Variants in CDKL4 observed in about 807,000 individuals in gnomAD.
CDKL4 encodes cyclin-dependent kinase-like 4.
CDKL4 carries 44 observed loss-of-function variants against 42.0 expected under a neutral mutation model. That is an observed-to-expected ratio of 1.05 (90% CI 0.82 to 1.35). CDKL4 has a LOEUF of 1.35. Ranked by LOEUF, CDKL4 falls within the 40% of genes most tolerant of loss-of-function variation. The pLI is 0.00. For synonymous variants in CDKL4, 120 were observed against 121.6 expected (o/e 0.99, Z 0.09); for missense variants, 393 against 369.9 (o/e 1.06, Z -0.51).
chr2:39,204,871 T>G (rs1303185175), intron 4 of CDKL4, among the ~76,000 whole-genome samples: 1 of 152,138 alleles, frequency 6.6e-6, no homozygotes, highest in African/African-American at 2.4e-5. Flanking sequence ...AACTGTCTTT[T>G]TTTTTTTTTA....
intron 4 of CDKL4, among the ~76,000 whole-genome samples, chr2:39,212,148 G>T (rs1202245670): frequency 6.6e-6 from 1 of 152,166 alleles, no homozygotes; most frequent in Admixed American, 6.5e-5. Context: ...TGGGGGTGGG[G>T]CCCAGGAAGC....
chr2:39,191,830 A>G (rs1017195237), intron 5 of CDKL4, among the ~76,000 whole-genome samples: 17 of 152,216 alleles, frequency 1.1e-4, no homozygotes, highest in African/African-American at 4.1e-4. Context: ...AGGACCCTGA[A>G]CGATCAGGAG....
intron 1 of CDKL4, among the ~76,000 whole-genome samples, chr2:39,236,815 T>C (rs992270264): frequency 3.9e-5 from 6 of 152,050 alleles, no homozygotes; most frequent in African/African-American, 1.2e-4. Context: ...CCTAGAAAGA[T>C]ACAAAATACC....
At chr2:39,234,517 A>C (rs990598724) in intron 1 of CDKL4, among the ~76,000 whole-genome samples, 1 of 152,236 alleles carries the variant, frequency 6.6e-6, no homozygotes, top group African/African-American at 2.4e-5. Context: ...TCCCTGAAGA[A>C]GACAAAACAA....
exon 9 of CDKL4, chr2:39,179,194 C>T (rs373197083): frequency 2.1e-5 from 33 of 1,601,654 alleles, no homozygotes; most frequent in Non-Finnish European, 2.5e-5. Context: ...TACCTGTTGG[C>T]GTCTTCTGTT....
chr2:39,236,796 G>C (rs907940917), intron 1 of CDKL4, among the ~76,000 whole-genome samples: 6 of 152,078 alleles, frequency 3.9e-5, no homozygotes, highest in African/African-American at 1.4e-4. Flanking sequence ...CAAGTTGGTT[G>C]GACAAGTGCC....
intron 9 of CDKL4, among the ~76,000 whole-genome samples, chr2:39,177,563 C>T (rs1430070783): frequency 6.6e-6 from 1 of 152,022 alleles, no homozygotes; most frequent in African/African-American, 2.4e-5. Context: ...CACCACTACA[C>T]CTGGCTAATT....
chr2:39,241,263 G>GTT (rs1679646158), intron 1 of CDKL4, among the ~76,000 whole-genome samples: 1 of 152,090 alleles, frequency 6.6e-6, no homozygotes, highest in Non-Finnish European at 1.5e-5. Flanking sequence ...ATATGCATGT[G>GTT]TTATATACAC....
At chr2:39,178,500 A>T (rs1218474904) in intron 9 of CDKL4, 1 of 1,485,790 alleles carries the variant, frequency 6.7e-7, no homozygotes, top group Non-Finnish European at 9.2e-7. Context: ...CCGGGTTTAC[A>T]AGGTGAGAAA....
intron 5 of CDKL4, among the ~76,000 whole-genome samples, chr2:39,199,154 G>A (rs915255123): frequency 2.0e-5 from 3 of 152,026 alleles, no homozygotes; most frequent in Non-Finnish European, 2.9e-5. Context: ...TGAAACAGGA[G>A]ATATTATAAC....
downstream of CDKL4, among the ~76,000 whole-genome samples, chr2:39,170,965 G>C (rs1225066686): frequency 6.6e-6 from 1 of 151,928 alleles, no homozygotes; most frequent in Non-Finnish European, 1.5e-5. Flanking sequence ...ACATCTTCAG[G>C]TCAGGCTCAT....
chr2:39,234,880 A>G (rs1573031016), intron 1 of CDKL4, among the ~76,000 whole-genome samples: 1 of 151,178 alleles, frequency 6.6e-6, no homozygotes, highest in South Asian at 2.1e-4. Flanking sequence ...ATAGATAAAC[A>G]TTTAAAAAAA....
chr2:39,207,827 C>T (rs1237356173), intron 4 of CDKL4, among the ~76,000 whole-genome samples: 5 of 152,162 alleles, frequency 3.3e-5, no homozygotes, highest in South Asian at 2.1e-4. Flanking sequence ...CCTGGCTGGG[C>T]GTGGTGGCTC....
At chr2:39,190,664 G>C (rs554878890) in intron 5 of CDKL4, among the ~76,000 whole-genome samples, 162 bp from the exon 6 acceptor site, 61 of 152,306 alleles carry the variant, frequency 4.0e-4, no homozygotes, top group Middle Eastern at 6.8e-3. Flanking sequence ...ACTGTGCATT[G>C]AGATAGTAAA....
chr2:39,240,238 C>T (rs1476320507), intron 1 of CDKL4, among the ~76,000 whole-genome samples: 4 of 131,022 alleles, frequency 3.1e-5, no homozygotes, highest in East Asian at 2.3e-4. Flanking sequence ...GGTGACACCC[C>T]GTCTCTACTT....
chr2:39,236,118 GA>G (rs975002882), intron 1 of CDKL4, among the ~76,000 whole-genome samples: 1 of 102,744 alleles, frequency 9.7e-6, no homozygotes, highest in Non-Finnish European at 2.1e-5. Context: ...ATCAGAAAAT[GA>G]AAATAAAAAA....
intron 5 of CDKL4, among the ~76,000 whole-genome samples, chr2:39,194,507 C>G (rs1164151342): frequency 6.6e-6 from 1 of 152,026 alleles, no homozygotes; most frequent in African/African-American, 2.4e-5. Flanking sequence ...ACAGAAAATA[C>G]TCTGCCAGCT....
the CDKL4 span, among the ~76,000 whole-genome samples, chr2:39,168,847 C>T: frequency 1.3e-5 from 2 of 151,218 alleles, no homozygotes; most frequent in Admixed American, 1.3e-4. Context: ...ACCTCTGTCT[C>T]CTGGGTTCAA....
At chr2:39,187,571 C>G in intron 7 of CDKL4, 56 bp downstream of exon 7, 1 of 1,187,900 alleles carries the variant, frequency 8.4e-7, no homozygotes, top group Non-Finnish European at 1.2e-6. Flanking sequence ...TAACAACTAC[C>G]TCTTTAAAGA....
Sources: allele counts gnomAD v4.1 joint callset (sites outside exome capture counted in the v4.1 genomes callset), GRCh38; gene constraint gnomAD v4.1.1; transcripts MANE v1.5; gene names NCBI Gene and HGNC (gene_info 2026-07-23, HGNC 2026-07-21).